Variants in NALF1 observed in about 807,000 individuals in gnomAD.
NALF1 encodes the protein NALCN channel auxiliary factor 1.
A neutral mutation model predicts 48.4 loss-of-function variants in NALF1; 3 were observed. That is an observed-to-expected ratio of 0.06 (90% CI 0.03 to 0.16). NALF1 has a LOEUF of 0.16. Among genes scored for constraint, NALF1 ranks in the 10% least tolerant of loss-of-function variants. The probability of loss-of-function intolerance (pLI) is 1.00; values close to 1 mark genes in which losing one functional copy is unlikely to be tolerated. For synonymous variants in NALF1, 262 were observed against 245.7 expected, an observed-to-expected ratio of 1.07 and a Z score of -0.62; for missense variants, 526 against 571.5, an observed-to-expected ratio of 0.92 and a Z score of 0.81.
intron 1 of NALF1, among the ~76,000 whole-genome samples, chr13:107,237,253 A>C (rs71435229): frequency 0.023 from 3,564 of 152,050 alleles, 56 homozygotes; most frequent in Non-Finnish European, 0.035. Flanking sequence ...AAGTATGAAG[A>C]AAGTTAAACT....
intron 1 of NALF1, among the ~76,000 whole-genome samples, chr13:107,212,873 A>G (rs1879790670): frequency 6.6e-6 from 1 of 152,186 alleles, no homozygotes; most frequent in Admixed American, 6.5e-5. Context: ...TCTAAAGTCT[A>G]GAGTTGCCTG....
chr13:107,572,291 G>T (rs527617674), intron 1 of NALF1, among the ~76,000 whole-genome samples: 1 of 152,132 alleles, frequency 6.6e-6, no homozygotes, highest in Non-Finnish European at 1.5e-5. Context: ...GGTAATGAAC[G>T]ACCCTGGGAG....
At chr13:107,615,051 A>G (rs1879342554) in intron 1 of NALF1, among the ~76,000 whole-genome samples, 1 of 152,128 alleles carries the variant, frequency 6.6e-6, no homozygotes, top group Admixed American at 6.5e-5. Context: ...TGCTGGGATT[A>G]CAGGTATGAG....
At chr13:107,471,889 A>C (rs1328481703) in intron 1 of NALF1, among the ~76,000 whole-genome samples, 3 of 152,224 alleles carry the variant, frequency 2.0e-5, no homozygotes, top group African/African-American at 4.8e-5. Context: ...GAGAAGAAAA[A>C]GAGAGGAATA....
At chr13:107,636,301 T>C (rs1364827586) in intron 1 of NALF1, among the ~76,000 whole-genome samples, 1 of 152,134 alleles carries the variant, frequency 6.6e-6, no homozygotes, top group Non-Finnish European at 1.5e-5. Context: ...AAATAAAATA[T>C]AGCTGAGTTT....
intron 1 of NALF1, among the ~76,000 whole-genome samples, chr13:107,807,446 T>C (rs73587719): frequency 0.049 from 7,393 of 152,282 alleles, 363 homozygotes; most frequent in African/African-American, 0.13. Flanking sequence ...AAATTTTCAA[T>C]GCTGATGAGC....
At chr13:107,498,785 G>A (rs1372819159) in intron 1 of NALF1, among the ~76,000 whole-genome samples, 2 of 152,104 alleles carry the variant, frequency 1.3e-5, no homozygotes, top group Admixed American at 6.6e-5. Context: ...CAAGGGAAAC[G>A]AAAACAGTAA....
At chr13:107,663,900 C>A (rs780233399) in intron 1 of NALF1, among the ~76,000 whole-genome samples, 1 of 152,084 alleles carries the variant, frequency 6.6e-6, no homozygotes, top group Admixed American at 6.6e-5. Flanking sequence ...CTCCTCAACT[C>A]CTTAACTTCT....
intron 1 of NALF1, among the ~76,000 whole-genome samples, chr13:107,438,855 T>A (rs368842813): frequency 0.2 from 15,796 of 77,096 alleles, 986 homozygotes; most frequent in Middle Eastern, 0.3. Flanking sequence ...AAAAAAAGAA[T>A]AATATAAAGG....
At chr13:107,603,439 T>C (rs1878985638) in intron 1 of NALF1, among the ~76,000 whole-genome samples, 1 of 152,136 alleles carries the variant, frequency 6.6e-6, no homozygotes, top group South Asian at 2.1e-4. Context: ...CAATAATGAG[T>C]TATTGTTTTT....
At chr13:107,352,939 G>T (rs1037164009) in intron 1 of NALF1, among the ~76,000 whole-genome samples, 1 of 152,154 alleles carries the variant, frequency 6.6e-6, no homozygotes, top group Non-Finnish European at 1.5e-5. Flanking sequence ...CAGAGAAGAA[G>T]AGACTGGGTC....
At chr13:107,753,112 G>T (rs1387854214) in intron 1 of NALF1, among the ~76,000 whole-genome samples, 3 of 152,202 alleles carry the variant, frequency 2.0e-5, no homozygotes, top group African/African-American at 7.2e-5. Context: ...TTAAAGGCAT[G>T]TCCCTGCTTT....
intron 1 of NALF1, among the ~76,000 whole-genome samples, chr13:107,696,438 C>T (rs1262722188): frequency 6.6e-6 from 1 of 152,118 alleles, no homozygotes; most frequent in African/African-American, 2.4e-5. Flanking sequence ...TGTATAAACA[C>T]AGGCAGACAA....
At chr13:107,865,395 G>A (rs988310027) in intron 1 of NALF1, among the ~76,000 whole-genome samples, 1 of 152,072 alleles carries the variant, frequency 6.6e-6, no homozygotes, top group Non-Finnish European at 1.5e-5. Context: ...CAGAGTTTGA[G>A]CCAACTGCAT....
At chr13:107,340,485 CT>C (rs71121526) in intron 1 of NALF1, among the ~76,000 whole-genome samples, 4 of 145,244 alleles carry the variant, frequency 2.8e-5, no homozygotes, top group African/African-American at 1.0e-4. Context: ...TTCTTTCTTT[CT>C]TTTTGTCTTT....
intron 1 of NALF1, among the ~76,000 whole-genome samples, chr13:107,489,308 T>C (rs976311583): frequency 1.5e-4 from 23 of 152,002 alleles, no homozygotes; most frequent in African/African-American, 5.3e-4. Context: ...ACCAAAAAAG[T>C]GCCTGAATAG....
intron 1 of NALF1, among the ~76,000 whole-genome samples, chr13:107,333,485 T>C (rs918112523): frequency 1.3e-5 from 2 of 152,168 alleles, no homozygotes; most frequent in African/African-American, 4.8e-5. Context: ...GCGACCTCAG[T>C]TGGAGACAGA....
At chr13:107,342,974 A>G (rs1180244035) in intron 1 of NALF1, among the ~76,000 whole-genome samples, 1 of 152,292 alleles carries the variant, frequency 6.6e-6, no homozygotes, top group East Asian at 1.9e-4. Flanking sequence ...TAGAACAATC[A>G]GACAGATGGT....
At chr13:107,263,002 T>C (rs988503281) in intron 1 of NALF1, among the ~76,000 whole-genome samples, 29 of 152,246 alleles carry the variant, frequency 1.9e-4, no homozygotes, top group African/African-American at 6.7e-4. Flanking sequence ...TGTTTAATAG[T>C]AGGAGCAAGG....
Sources: allele counts gnomAD v4.1 joint callset (sites outside exome capture counted in the v4.1 genomes callset), GRCh38; gene constraint gnomAD v4.1.1; transcripts MANE v1.5; gene names NCBI Gene and HGNC (gene_info 2026-07-23, HGNC 2026-07-21).